Variants in LRRC28 observed in about 807,000 individuals in gnomAD.
LRRC28 encodes the protein leucine rich repeat containing 28.
A neutral mutation model predicts 45.7 loss-of-function variants in LRRC28; 39 were observed. The ratio of observed to expected loss-of-function variants is 0.85; its 90% confidence interval spans 0.66 to 1.12. The LOEUF is 1.12. Ranked by LOEUF, LRRC28 falls within the 50% of genes most tolerant of loss-of-function variation. The probability of loss-of-function intolerance (pLI) is 0.00; values close to 1 mark genes in which losing one functional copy is unlikely to be tolerated. For missense variants in LRRC28, 435 were observed against 438.5 expected, an observed-to-expected ratio of 0.99 and a Z score of 0.07; for synonymous variants, 206 against 178.8, an observed-to-expected ratio of 1.15 and a Z score of -1.22.
At chr15:99,341,597 C>A (rs900306647) in intron 6 of LRRC28, among the ~76,000 whole-genome samples, 1 of 152,050 alleles carries the variant, frequency 6.6e-6, no homozygotes, top group Non-Finnish European at 1.5e-5. Flanking sequence ...GTATTTTTCT[C>A]TAAGTTTTGG....
chr15:99,272,321 G>A (rs562161109), intron 2 of LRRC28, among the ~76,000 whole-genome samples: 2 of 152,304 alleles, frequency 1.3e-5, no homozygotes, highest in South Asian at 4.1e-4. Context: ...GGTGGTCACT[G>A]TGGAAGGGGT....
At chr15:99,323,702 A>G (rs1955878366) in intron 5 of LRRC28, among the ~76,000 whole-genome samples, 2 of 152,366 alleles carry the variant, frequency 1.3e-5, no homozygotes, top group South Asian at 4.1e-4. Context: ...AAGTATTTAT[A>G]TTGAGTTTAC....
In LRRC28 at chr15:99,334,262, A is replaced by G. The variant is rs1333311392; in HGVS notation, c.592+133A>G. Reference sequence around the variant, plus strand: ...ATTGCTTCTCTAAGTTTGTTTTTGCAGTGAACAAAGCGTCATTCCTAGCTA... The same window carrying G: ...ATTGCTTCTCTAAGTTTGTTTTTGCGGTGAACAAAGCGTCATTCCTAGCTA... On this transcript the variant is annotated intron_variant, in intron 6 of 9. Transcript: ENST00000301981. 1.6e-5 allele frequency: 15 copies of G among 964,598 alleles called. No homozygotes were observed. The Admixed American group carries it at 2.7e-4, about 17-fold the overall frequency. The allele number at this position is 964,598 out of a possible 1,614,324, so 59.8% of individuals were successfully genotyped here. A position where few individuals can be genotyped will look rare whatever the true frequency, so the allele number is the denominator to read the frequency against.
Position 99,276,564 on chromosome 15 carries a change from T to G in LRRC28, c.169-12T>G, listed in dbSNP as rs111385727. On this transcript the variant is annotated splice_polypyrimidine_tract_variant and intron_variant, in intron 2 of 9. Transcript: ENST00000301981. ...CAAAAATAAAATTTAATTCTGAGTT[T>G]TTAATTTTCAGCCAGAAAACCTTGC... 6.5e-7 allele frequency: 1 copy of G among 1,544,482 alleles called. No individual in the cohort carries two copies. Among genetic ancestry groups the G allele is most frequent in the East Asian group, 2.4e-5 (1 of 42,102 alleles).
At chr15:99,260,565 G>A (rs2081167735) in intron 2 of LRRC28, among the ~76,000 whole-genome samples, 1 of 152,182 alleles carries the variant, frequency 6.6e-6, no homozygotes, top group South Asian at 2.1e-4. Flanking sequence ...GGGATGGTGG[G>A]AATAGTAGCT....
chr15:99,345,321 T>C (rs1041312088), intron 6 of LRRC28, among the ~76,000 whole-genome samples: 7 of 152,160 alleles, frequency 4.6e-5, no homozygotes, highest in African/African-American at 1.4e-4. Flanking sequence ...AAGACAAATC[T>C]GAGACCAGAG....
intron 2 of LRRC28, chr15:99,257,866 A>G (rs928368705): frequency 1.4e-5 from 11 of 777,334 alleles, no homozygotes; most frequent in African/African-American, 1.2e-4. Flanking sequence ...TTTGCCTTCC[A>G]AGCTGAAGTT....
intron 3 of LRRC28, among the ~76,000 whole-genome samples, chr15:99,279,971 ATTTGG>A (rs2081737337): frequency 6.6e-6 from 1 of 152,110 alleles, no homozygotes; most frequent in Non-Finnish European, 1.5e-5. Flanking sequence ...TCTTACCAGC[ATTTGG>A]TGTTGTCTTT....
intron 2 of LRRC28, among the ~76,000 whole-genome samples, chr15:99,266,438 A>C (rs2081334459): frequency 6.6e-6 from 1 of 152,064 alleles, no homozygotes; most frequent in Non-Finnish European, 1.5e-5. Flanking sequence ...CAGGAGTTTG[A>C]GACCAGCCTG....
At chr15:99,352,745 TG>T (rs2152316829) in intron 7 of LRRC28, among the ~76,000 whole-genome samples, 1 of 152,312 alleles carries the variant, frequency 6.6e-6, no homozygotes, top group South Asian at 2.1e-4. Context: ...GAGGTAGAGT[TG>T]ACAAATAAAA....
chr15:99,378,266 G>A (rs1957706016), intron 9 of LRRC28, among the ~76,000 whole-genome samples: 1 of 152,186 alleles, frequency 6.6e-6, no homozygotes. Flanking sequence ...CACATCCCTT[G>A]TAAGTTGGAT....
At chr15:99,314,128 C>G (rs1955510334) in intron 5 of LRRC28, among the ~76,000 whole-genome samples, 4 of 152,124 alleles carry the variant, frequency 2.6e-5, no homozygotes, top group African/African-American at 9.7e-5. Context: ...AAAATATTCT[C>G]AAGCCATTTA....
At chr15:99,380,971 C>T (rs577403942) in intron 9 of LRRC28, among the ~76,000 whole-genome samples, 1 of 152,264 alleles carries the variant, frequency 6.6e-6, no homozygotes, top group South Asian at 2.1e-4. Flanking sequence ...AACATTTTTC[C>T]CTTCATTTCA....
chr15:99,319,670 T>A (rs1375731768), intron 5 of LRRC28, among the ~76,000 whole-genome samples: 1 of 151,632 alleles, frequency 6.6e-6, no homozygotes, highest in Non-Finnish European at 1.5e-5. Context: ...TTTTTTTTTT[T>A]AAATTACTGT....
At chr15:99,371,289 A>G in intron 9 of LRRC28, among the ~76,000 whole-genome samples, 1 of 152,186 alleles carries the variant, frequency 6.6e-6, no homozygotes, top group South Asian at 2.1e-4. Context: ...GGCTTCAATC[A>G]GGCCACTTTC....
intron 2 of LRRC28, among the ~76,000 whole-genome samples, chr15:99,264,000 G>A (rs1482217509): frequency 5.9e-5 from 9 of 152,310 alleles, no homozygotes; most frequent in African/African-American, 1.9e-4. Flanking sequence ...TATAGGTTCT[G>A]TTGGAAGTAA....
intron 2 of LRRC28, among the ~76,000 whole-genome samples, chr15:99,270,263 G>A (rs1219159630): frequency 1.3e-5 from 2 of 152,104 alleles, no homozygotes; most frequent in Non-Finnish European, 2.9e-5. Context: ...AAACGAAAAC[G>A]AATTTATTGG....
Position 99,289,939 on chromosome 15 carries a change from C to CAAAAAAAAA in LRRC28, c.385+2004_385+2012dup, listed in dbSNP as rs398028517. ...TGGGCGACAGAGCAAGACTCCGTCT[C>CAAAAAAAAA]AAAAAAAAAAAAAAAAAAAAAAAAT... is the stretch of plus-strand genomic sequence containing the variant. On this transcript the variant is annotated intron_variant, in intron 5 of 9. Coordinates refer to ENST00000301981, the MANE Select transcript of LRRC28 (RefSeq NM_144598.5). 3.4e-4 allele frequency among the ~76,000 whole-genome samples: 17 copies of CAAAAAAAAA among 49,712 alleles called. 1 individual carries two copies. In the East Asian group the frequency reaches 0.014, roughly 41 times the overall value. 32.6% of individuals were successfully genotyped at this position (49,712 alleles called of 152,430 possible). A position where few individuals can be genotyped will look rare whatever the true frequency, so the allele number is the denominator to read the frequency against.
At chr15:99,282,748 C>T (rs1028416856) in intron 3 of LRRC28, among the ~76,000 whole-genome samples, 1 of 152,198 alleles carries the variant, frequency 6.6e-6, no homozygotes, top group Non-Finnish European at 1.5e-5. Flanking sequence ...CCTAACGACA[C>T]ATTTCTTAGA....
Sources: allele counts gnomAD v4.1 joint callset (sites outside exome capture counted in the v4.1 genomes callset), GRCh38; gene constraint gnomAD v4.1.1; transcripts MANE v1.5; gene names NCBI Gene and HGNC (gene_info 2026-07-23, HGNC 2026-07-21).